Variants in NPIPB12 observed in about 807,000 individuals in gnomAD.
The protein encoded by NPIPB12 is nuclear pore complex interacting protein family member B12.
chr16:29,498,260 A>G (rs1454845493), intron 1 of NPIPB12, among the ~76,000 whole-genome samples: 1 of 149,422 alleles, frequency 6.7e-6, no homozygotes, highest in African/African-American at 2.4e-5. Flanking sequence ...ATATTGCCCC[A>G]TTGCACTCCA....
chr16:29,498,361 G>A (rs1466830356), intron 1 of NPIPB12, among the ~76,000 whole-genome samples: 15 of 145,664 alleles, frequency 1.0e-4, no homozygotes, highest in African/African-American at 3.3e-4. Context: ...TTGAAAGGGG[G>A]TTGGTTTATG....
rs1335893956 is a variant in NPIPB12 at position 29,498,340 on chromosome 16, T to A, written c.75+984A>T. On this transcript the variant is annotated intron_variant, in intron 1 of 5. Transcript: ENST00000617311. ...TAAATAAATAAATAAATAAATAAAA[T>A]AATGTAGATCTTGAAAGGGGGTTGG... Among the ~76,000 whole-genome samples, 135 of 125,726 alleles carry A rather than the reference T, an allele frequency of 1.1e-3. No individual in the cohort carries two copies. In the Middle Eastern group the frequency reaches 0.02, roughly 18 times the overall value. The allele number at this position is 125,726 out of a possible 152,430, so 82.5% of individuals were successfully genotyped here.
At chr16:29,495,155 C>T (rs1285879324) in intron 2 of NPIPB12, among the ~76,000 whole-genome samples, 2 of 145,606 alleles carry the variant, frequency 1.4e-5, no homozygotes, top group Non-Finnish European at 3.1e-5. Context: ...TACGATAGAA[C>T]TACAAAGCAG....
intron 4 of NPIPB12, among the ~76,000 whole-genome samples, chr16:29,490,729 CAAAAAAAAAAA>C (rs1200754352): frequency 4.2e-3 from 8 of 1,920 alleles, no homozygotes; most frequent in Non-Finnish European, 5.9e-3. Context: ...GACTCTGTCT[CAAAAAAAAAAA>C]AAAAAAAAAA....
chr16:29,504,509 A>AAT (rs758781583), intron 2 of NPIPB12, among the ~76,000 whole-genome samples: 12 of 107,458 alleles, frequency 1.1e-4, no homozygotes, highest in South Asian at 6.2e-4. Context: ...TGTCTCAAAA[A>AAT]ATATATGTGT....
chr16:29,495,149 A>G (rs1965122427), intron 2 of NPIPB12, among the ~76,000 whole-genome samples: 1 of 144,882 alleles, frequency 6.9e-6, no homozygotes, highest in African/African-American at 2.5e-5. Flanking sequence ...CACCCATACG[A>G]TAGAACTACA....
intron 1 of NPIPB12, among the ~76,000 whole-genome samples, chr16:29,497,227 C>G (rs1353491373): frequency 1.3e-5 from 1 of 74,132 alleles, no homozygotes; most frequent in Non-Finnish European, 2.7e-5. Context: ...TAAAAATTAA[C>G]AAGGTGGGCT....
At chr16:29,504,500 G>C (rs1030933266) in intron 2 of NPIPB12, among the ~76,000 whole-genome samples, 14 of 110,482 alleles carry the variant, frequency 1.3e-4, no homozygotes, top group African/African-American at 2.4e-4. Context: ...GTGAAACTCT[G>C]TCTCAAAAAA....
downstream of NPIPB12, chr16:29,485,570 C>G (rs1327903265): frequency 7.1e-7 from 1 of 1,413,290 alleles, no homozygotes; most frequent in Non-Finnish European, 9.6e-7. Flanking sequence ...CAGGAGGTGT[C>G]TTGAGATTAT....
At chr16:29,498,320 A>AAATAAAT (rs1965164836) in intron 1 of NPIPB12, among the ~76,000 whole-genome samples, 1 of 141,366 alleles carries the variant, frequency 7.1e-6, no homozygotes, top group South Asian at 2.2e-4. Flanking sequence ...ATAAATAAAT[A>AAATAAAT]AATAAATAAA....
rs1434083075 is a variant in NPIPB12, at chr16:29,504,515, TG to T, written c.120+957del. Among the ~76,000 whole-genome samples, 7 of 13,232 alleles carry T rather than the reference TG, an allele frequency of 5.3e-4. No homozygotes were observed. The East Asian group carries it at 7.6e-3, about 14-fold the overall frequency. 8.7% of individuals were successfully genotyped at this position (13,232 alleles called of 152,430 possible). A position where few individuals can be genotyped will look rare whatever the true frequency, so the allele number is the denominator to read the frequency against. On this transcript the variant is annotated intron_variant, in intron 2 of 7. Coordinates refer to the NPIPB12 transcript ENST00000550665. ...GTGAAACTCTGTCTCAAAAAATATA[TG>T]TGTGTGTGTGTGTGTGTGTGTGTGT...
chr16:29,490,587 G>A (rs1420632107), intron 4 of NPIPB12, among the ~76,000 whole-genome samples: 4,592 of 112,982 alleles, frequency 0.041, 1 homozygote, highest in African/African-American at 0.13. Flanking sequence ...AAAATTATCC[G>A]GGCATGGTGG....
chr16:29,490,911 A>T (rs1300400141), intron 4 of NPIPB12, among the ~76,000 whole-genome samples: 3 of 138,484 alleles, frequency 2.2e-5, no homozygotes, highest in Non-Finnish European at 3.1e-5. Context: ...AATTAAAAAA[A>T]AAAAAAAAAA....
intron 2 of NPIPB12, among the ~76,000 whole-genome samples, chr16:29,504,470 A>T (rs1272353110): frequency 3.2e-5 from 4 of 124,082 alleles, no homozygotes; most frequent in South Asian, 6.1e-4. Context: ...GTGCCATTGC[A>T]CTCCAGCCTG....
upstream of NPIPB12, among the ~76,000 whole-genome samples, chr16:29,504,009 GCA>G (rs1965203132): frequency 3.5e-5 from 2 of 56,854 alleles, no homozygotes; most frequent in Non-Finnish European, 5.3e-5. Context: ...CCAGGGCCTG[GCA>G]CACACAGTGA....
Position 29,498,180 on chromosome 16 carries a change from A to T in NPIPB12, c.75+1144T>A, listed in dbSNP as rs1382219531. 9.8e-5 allele frequency among the ~76,000 whole-genome samples: 14 copies of T among 142,736 alleles called. No homozygotes were observed. The East Asian group carries it at 3.0e-3, about 31-fold the overall frequency. The allele number at this position is 142,736 out of a possible 152,430, so 93.6% of individuals were successfully genotyped here. ...CTGGGAGTGGTGCCACATGTCTGTA[A>T]TCCCAGCCACTCGGGAGGCTGAGGC... On this transcript the variant is annotated intron_variant, in intron 1 of 5. Transcript: ENST00000617311.
chr16:29,504,512 ATATGTGTGTGTGTGTGTGTGTGTGTG>A (rs1965213074), intron 2 of NPIPB12, among the ~76,000 whole-genome samples: 1 of 92,028 alleles, frequency 1.1e-5, no homozygotes, highest in South Asian at 3.6e-4. Flanking sequence ...CTCAAAAAAT[ATATGTGTGTGTGTGTGTGTGTGTGTG>A]TGTGTGTGTG....
intron 4 of NPIPB12, among the ~76,000 whole-genome samples, chr16:29,490,536 C>G (rs1276333181): frequency 1.3e-5 from 2 of 148,862 alleles, no homozygotes; most frequent in Non-Finnish European, 3.0e-5. Context: ...TCTAGACCAG[C>G]TTGGCCAATA....
At chr16:29,504,509 AATAT>A (rs758781583) in intron 2 of NPIPB12, among the ~76,000 whole-genome samples, 13 of 107,452 alleles carry the variant, frequency 1.2e-4, no homozygotes, top group South Asian at 3.1e-4. Context: ...TGTCTCAAAA[AATAT>A]ATGTGTGTGT....
Sources: gnomAD v4.1 joint callset for allele counts (sites outside exome capture counted in the v4.1 genomes callset) on GRCh38, gnomAD v4.1.1 for gene constraint, MANE v1.5 for transcripts, NCBI Gene and HGNC (gene_info 2026-07-23, HGNC 2026-07-21) for gene names.